Variants in TFPI observed in about 807,000 individuals in gnomAD.
TFPI encodes the protein tissue factor pathway inhibitor.
TFPI carries 15 observed loss-of-function variants against 34.6 expected under a neutral mutation model. That is an observed-to-expected ratio of 0.43 (90% confidence interval 0.29 to 0.67). The LOEUF (loss-of-function observed/expected upper bound fraction) is 0.67. TFPI is among the 30% of genes least tolerant of loss of function. The pLI is 0.15. For synonymous variants in TFPI, 105 were observed against 120.1 expected (o/e 0.87, Z 0.82); for missense variants, 301 against 364.0 (o/e 0.83, Z 1.41).
At chr2:187,546,288 T>C (rs1393746738) in intron 1 of TFPI, among the ~76,000 whole-genome samples, 2 of 151,836 alleles carry the variant, frequency 1.3e-5, no homozygotes, top group African/African-American at 4.8e-5. Context: ...GTAAGTTTTT[T>C]TTTTTTTTTT....
At chr2:187,482,292 G>A (rs1233765988) in intron 6 of TFPI, among the ~76,000 whole-genome samples, 1 of 151,954 alleles carries the variant, frequency 6.6e-6, no homozygotes, top group Non-Finnish European at 1.5e-5. Context: ...TGTTAATTTA[G>A]TCATTCTAAA....
At chr2:187,536,423 G>C (rs1394930701) in intron 1 of TFPI, among the ~76,000 whole-genome samples, 1 of 152,178 alleles carries the variant, frequency 6.6e-6, no homozygotes, top group Non-Finnish European at 1.5e-5. Flanking sequence ...TGCAAGGCTG[G>C]TTCAACATAT....
intron 6 of TFPI, among the ~76,000 whole-genome samples, chr2:187,482,441 A>G (rs1440620035): frequency 1.3e-5 from 2 of 152,122 alleles, no homozygotes; most frequent in African/African-American, 4.8e-5. Context: ...CAGATAAGTC[A>G]GAATCACAAA....
At chr2:187,508,903 G>C (rs1197712870) in intron 1 of TFPI, among the ~76,000 whole-genome samples, 2 of 152,098 alleles carry the variant, frequency 1.3e-5, no homozygotes, top group Non-Finnish European at 2.9e-5. Flanking sequence ...TCCAGGTTTT[G>C]CCCATTCCAT....
chr2:187,477,967 GAGTT>G (rs1692494040), intron 6 of TFPI, among the ~76,000 whole-genome samples: 1 of 152,098 alleles, frequency 6.6e-6, no homozygotes, highest in Non-Finnish European at 1.5e-5. Flanking sequence ...AGGTATATAG[GAGTT>G]CCCTTTCTCA....
chr2:187,544,510 TATA>T (rs1453766829), intron 1 of TFPI: 1 of 152,140 alleles, frequency 6.6e-6, no homozygotes, highest in African/African-American at 2.4e-5. Context: ...AAACCTCCGT[TATA>T]ATTGCAGATT....
chr2:187,523,580 TA>T (rs1186179191), intron 1 of TFPI, among the ~76,000 whole-genome samples: 2 of 152,162 alleles, frequency 1.3e-5, no homozygotes, highest in Non-Finnish European at 2.9e-5. Flanking sequence ...CCTTTTAATT[TA>T]TTTTTTTTAA....
intron 6 of TFPI, among the ~76,000 whole-genome samples, chr2:187,479,153 A>C (rs1339215280): frequency 1.3e-5 from 2 of 152,104 alleles, no homozygotes; most frequent in Non-Finnish European, 2.9e-5. Flanking sequence ...TTTAATGATA[A>C]TGAAAAGGCC....
chr2:187,535,798 GT>G, intron 1 of TFPI, among the ~76,000 whole-genome samples: 1 of 152,172 alleles, frequency 6.6e-6, no homozygotes, highest in Middle Eastern at 3.4e-3. Context: ...CCAGGAGCTG[GT>G]TTTTTAAAAA....
chr2:187,494,258 G>A lies in TFPI; in HGVS notation c.319+2623C>T, dbSNP rs8176464. 4.7e-3 allele frequency among the ~76,000 whole-genome samples: 630 copies of A among 134,302 alleles called. 1 individual carries two copies. The highest frequency in any genetic ancestry group is 0.011 in the African/African-American group (377 of 35,708). 88.1% of individuals were successfully genotyped at this position (134,302 alleles called of 152,430 possible). ...CATATGGGAATTATGGGAGCTACAA[G>A]ATGATATTTGGGTAGGGACACAGAG... On this transcript the variant is annotated intron_variant, in intron 3 of 7. Transcript: ENST00000233156.
At chr2:187,539,974 C>T (rs1434159434) in intron 1 of TFPI, among the ~76,000 whole-genome samples, 6 of 151,202 alleles carry the variant, frequency 4.0e-5, no homozygotes, top group African/African-American at 1.5e-4. Context: ...TCTCGGCTCA[C>T]TGCAACTTCC....
intron 1 of TFPI, among the ~76,000 whole-genome samples, chr2:187,539,062 TA>T (rs1688426327): frequency 7.0e-6 from 1 of 143,530 alleles, no homozygotes; most frequent in Admixed American, 7.3e-5. Context: ...AGTGTTTATT[TA>T]TTTGTACCTT....
At chr2:187,492,904 T>C (rs1685216467) in intron 3 of TFPI, among the ~76,000 whole-genome samples, 1 of 152,066 alleles carries the variant, frequency 6.6e-6, no homozygotes, top group Non-Finnish European at 1.5e-5. Context: ...AGTTAAGAAT[T>C]TGGGGGACTA....
At chr2:187,540,536 T>G (rs1044107434) in intron 1 of TFPI, among the ~76,000 whole-genome samples, 1 of 152,234 alleles carries the variant, frequency 6.6e-6, no homozygotes, top group Admixed American at 6.5e-5. Flanking sequence ...GTGAGAAATT[T>G]TATAGATGTA....
In TFPI at chr2:187,465,567, C is replaced by CG. The variant is rs1553519054; in HGVS notation, c.*1368dup. 7.3e-4 allele frequency: 82 copies of CG among 111,802 alleles called. 2 individuals carry two copies. The highest frequency in any genetic ancestry group is 2.8e-3 in the African/African-American group (81 of 28,462). 6.9% of individuals were successfully genotyped at this position (111,802 alleles called of 1,614,324 possible). A position where few individuals can be genotyped will look rare whatever the true frequency, so the allele number is the denominator to read the frequency against. The stretch of plus-strand genomic sequence containing the variant: ...AGCCTAGGGATTGGGTGAACTTTTT[C>CG]GAAAAAAAAAAAAAAAAGCATAAAG... On this transcript the variant is annotated 3_prime_UTR_variant, in exon 8 of 8. Transcript: ENST00000233156.
At chr2:187,487,843 A>G (rs574897940) in intron 4 of TFPI, among the ~76,000 whole-genome samples, 1 of 151,532 alleles carries the variant, frequency 6.6e-6, no homozygotes, top group Admixed American at 6.6e-5. Context: ...AGAGACATAC[A>G]TCCATTCAAG....
rs1226420432 is a variant in TFPI at position 187,484,835 on chromosome 2, A to G, written c.511T>C (p.Cys171Arg). 6.3e-7 allele frequency: 1 copy of G among 1,589,644 alleles called. No individual in the cohort carries two copies. Among genetic ancestry groups the G allele is most frequent in the Non-Finnish European group, 8.5e-7 (1 of 1,171,732 alleles). ...NMNNFETLEE[C>R]KNICEDGPNG... ...CGACCATCTTCACAAATGTTCTTGC[A>G]TTCTTCCAGTGTCTCAAAATTGTTC... The change falls in exon 5 of 8, where the codon TGC (cysteine) becomes CGC (arginine). Residue 171 changes from cysteine to arginine, a missense_variant. Transcript: ENST00000233156.
At chr2:187,483,472 T>G (rs1250123352) in intron 6 of TFPI, among the ~76,000 whole-genome samples, 1 of 152,038 alleles carries the variant, frequency 6.6e-6, no homozygotes, top group African/African-American at 2.4e-5. Flanking sequence ...TTTAGCTGTT[T>G]ATGTTATTTC....
At chr2:187,523,487 A>T (rs1346475547) in intron 1 of TFPI, among the ~76,000 whole-genome samples, 1 of 151,962 alleles carries the variant, frequency 6.6e-6, no homozygotes, top group East Asian at 1.9e-4. Flanking sequence ...TCCACCCCCA[A>T]ACTCCTTCAG....
Sources: allele counts gnomAD v4.1 joint callset (sites outside exome capture counted in the v4.1 genomes callset), GRCh38; gene constraint gnomAD v4.1.1; transcripts MANE v1.5; gene names NCBI Gene and HGNC (gene_info 2026-07-23, HGNC 2026-07-21).